Variants in SPNS3 observed in about 807,000 individuals in gnomAD.
The protein encoded by SPNS3 is protein spinster homolog 3.
SPNS3 carries 51 observed loss-of-function variants against 54.4 expected under a neutral mutation model. The observed-to-expected ratio is 0.94, with a 90% CI of 0.75 to 1.18. The LOEUF is 1.18. Among genes scored for constraint, SPNS3 ranks in the 50% most tolerant of loss-of-function variants. The pLI, the probability that SPNS3 is intolerant of heterozygous loss-of-function variation, is 0.00. For missense variants in SPNS3, 669 were observed against 677.4 expected (o/e 0.99, Z 0.14); for synonymous variants, 309 against 294.7 (o/e 1.05, Z -0.50).
At chr17:4,479,763 G>A (rs1171590642) in intron 9 of SPNS3, among the ~76,000 whole-genome samples, 2 of 152,234 alleles carry the variant, frequency 1.3e-5, no homozygotes, top group Non-Finnish European at 2.9e-5. Context: ...CCCTGGTCCT[G>A]CCACTTATGG....
chr17:4,443,130 G>A (rs1463673031), intron 2 of SPNS3, among the ~76,000 whole-genome samples: 2 of 152,020 alleles, frequency 1.3e-5, no homozygotes, highest in Non-Finnish European at 2.9e-5. Flanking sequence ...GAGTGCAGTG[G>A]TGCGATCTCA....
intron 9 of SPNS3, among the ~76,000 whole-genome samples, chr17:4,482,915 G>T (rs770797024): frequency 1.8e-4 from 28 of 152,324 alleles, no homozygotes; most frequent in Non-Finnish European, 3.1e-4. Context: ...CAACCAGTTG[G>T]GGGGCTAGAG....
At chr17:4,484,424 G>A (rs1972254841) in intron 9 of SPNS3, among the ~76,000 whole-genome samples, 2 of 152,084 alleles carry the variant, frequency 1.3e-5, no homozygotes, top group South Asian at 2.1e-4. Flanking sequence ...GGGTTCAAGC[G>A]ATTCTCCTGC....
intron 7 of SPNS3, among the ~76,000 whole-genome samples, chr17:4,450,054 C>G (rs1971116258): frequency 1.3e-5 from 2 of 151,676 alleles, no homozygotes; most frequent in African/African-American, 4.8e-5. Context: ...AACCCTTCAC[C>G]CCGGCCTCCT....
chr17:4,458,327 C>G (rs1971369924), intron 8 of SPNS3, among the ~76,000 whole-genome samples: 1 of 151,542 alleles, frequency 6.6e-6, no homozygotes, highest in African/African-American at 2.4e-5. Context: ...CTTTTCTTTT[C>G]TTTCCCTCCC....
rs182120036 is a variant in SPNS3 at position 4,444,996 on chromosome 17, G to A, written c.266-36G>A. ...GGGCCATCTGCCCTGCCACGGTCGT[G>A]GGGGGATCCAGGCTGCCCCTGTGTG... is the stretch of plus-strand genomic sequence containing the variant. On this transcript the variant is annotated intron_variant, in intron 2 of 11. Coordinates refer to ENST00000355530, the MANE Select transcript of SPNS3 (RefSeq NM_182538.5). 197 of 1,600,684 alleles carry A rather than the reference G, an allele frequency of 1.2e-4. 2 individuals are homozygous for A. The African/African-American group carries it at 2.1e-3, about 17-fold the overall frequency.
At chr17:4,461,394 G>A (rs544774335) in intron 8 of SPNS3, among the ~76,000 whole-genome samples, 1 of 73,070 alleles carries the variant, frequency 1.4e-5, no homozygotes, top group South Asian at 4.3e-4. Context: ...TTTTGAGACA[G>A]GGTCTTGCTT....
At chr17:4,458,586 C>CTCCTTCCT (rs749391286) in intron 8 of SPNS3, among the ~76,000 whole-genome samples, 855 of 66,758 alleles carry the variant, frequency 0.013, 35 homozygotes, top group African/African-American at 0.038. Context: ...TCTTCCTTCC[C>CTCCTTCCT]TCCTTTCTTT....
intron 8 of SPNS3, among the ~76,000 whole-genome samples, chr17:4,467,582 T>C (rs1017040776): frequency 6.6e-6 from 1 of 152,142 alleles, no homozygotes; most frequent in African/African-American, 2.4e-5. Context: ...TGCTCTAAGA[T>C]AGCAAAAGTG....
intron 2 of SPNS3, among the ~76,000 whole-genome samples, chr17:4,444,714 C>T (rs1299228684): frequency 6.6e-6 from 1 of 152,138 alleles, no homozygotes; most frequent in African/African-American, 2.4e-5. Context: ...GCCTGACGCT[C>T]CGCATTCAGT....
At chr17:4,453,330 T>G in intron 8 of SPNS3, 125 bp downstream of exon 8, 1 of 903,526 alleles carries the variant, frequency 1.1e-6, no homozygotes, top group South Asian at 1.7e-5. Context: ...GAGTAGAGCT[T>G]GTTATCCCCA....
rs374989945 is a variant in SPNS3, at chr17:4,482,987, C to T, written c.1180-3241C>T. On this transcript the variant is annotated intron_variant, in intron 9 of 11. Coordinates refer to ENST00000355530, the MANE Select transcript of SPNS3 (RefSeq NM_182538.5). ...CCTCTGGGGTCCTGGAATCCAGCCA[C>T]AGGCTCATCTCCCACCCCTCAGCAG... Among the ~76,000 whole-genome samples, 934 of 152,332 alleles carry T rather than the reference C, an allele frequency of 6.1e-3. 6 individuals carry two copies. The highest frequency in any genetic ancestry group is 7.5e-3 in the Non-Finnish European group (513 of 68,020).
chr17:4,445,775 G>T (rs547366803), intron 3 of SPNS3, among the ~76,000 whole-genome samples: 1 of 152,030 alleles, frequency 6.6e-6, no homozygotes, highest in Admixed American at 6.6e-5. Context: ...TGGGGCTGGG[G>T]GTAACAGCTG....
Position 4,446,897 on chromosome 17 carries a change from G to C in SPNS3, c.556G>C (p.Gly186Arg). 1 of 1,614,080 alleles carries C rather than the reference G, an allele frequency of 6.2e-7. No individual in the cohort carries two copies. Among genetic ancestry groups the C allele is most frequent in the Non-Finnish European group, 8.5e-7 (1 of 1,179,994 alleles). ...ATCGCCCCTGCCCCTTTGTTGCAGT[G>C]GTCTGGGCTACGTGCTGGGGTCGGC... ...VFYIFIPVGS[G>R]LGYVLGSAVT... Residue 186 changes from glycine to arginine, a missense_variant and splice_region_variant, in exon 5 of 12, where the codon GGT becomes CGT. Coordinates refer to ENST00000355530, the MANE Select transcript of SPNS3 (RefSeq NM_182538.5).
chr17:4,444,279 A>T (rs1179889495), intron 2 of SPNS3, among the ~76,000 whole-genome samples: 2 of 150,878 alleles, frequency 1.3e-5, no homozygotes, highest in Non-Finnish European at 2.9e-5. Flanking sequence ...CAGTGGCGTG[A>T]TCCCGGCTCA....
Position 4,465,759 on chromosome 17 carries a change from T to C in SPNS3, c.1113+12554T>C, listed in dbSNP as rs150367629. 7.2e-5 allele frequency among the ~76,000 whole-genome samples: 11 copies of C among 152,286 alleles called. No homozygotes were observed. In the East Asian group the frequency reaches 2.1e-3, roughly 29 times the overall value. On this transcript the variant is annotated intron_variant, in intron 8 of 11. Coordinates refer to ENST00000355530, the MANE Select transcript of SPNS3 (RefSeq NM_182538.5). ...AAAAGAAATGGACTCTATCTTTTGA[T>C]GAGAGTATCAGTGATCTGAAAGAAC...
intron 2 of SPNS3, 83 bp from the exon 3 acceptor site, chr17:4,444,949 A>G: frequency 6.7e-7 from 1 of 1,497,834 alleles, no homozygotes; most frequent in Non-Finnish European, 9.0e-7. Flanking sequence ...CATCTGAGTC[A>G]GGCTCCTTCC....
chr17:4,453,280 C>CA, intron 8 of SPNS3, 75 bp downstream of exon 8: 5 of 1,396,216 alleles, frequency 3.6e-6, no homozygotes, highest in Non-Finnish European at 3.9e-6. Flanking sequence ...GCTCATGCTG[C>CA]GCCCGGCCTT....
intron 9 of SPNS3, among the ~76,000 whole-genome samples, chr17:4,481,813 G>C (rs528171703): frequency 6.6e-6 from 1 of 152,030 alleles, no homozygotes; most frequent in Admixed American, 6.5e-5. Context: ...GCGTCCTGCA[G>C]ATTCCTGAGT....
Sources: allele counts gnomAD v4.1 joint callset (sites outside exome capture counted in the v4.1 genomes callset), GRCh38; gene constraint gnomAD v4.1.1; transcripts MANE v1.5; gene names NCBI Gene and HGNC (gene_info 2026-07-23, HGNC 2026-07-21).